TSPAN4: variants seen among roughly 807,000 people sequenced by gnomAD.
TSPAN4 encodes tetraspanin 4.
TSPAN4 carries 38 observed loss-of-function variants against 31.5 expected under a neutral mutation model. That is an observed-to-expected ratio of 1.21 (90% CI 0.93 to 1.58). The LOEUF is 1.58. TSPAN4 is among the 40% of genes most tolerant of loss of function. The probability of loss-of-function intolerance (pLI) is 0.00; values close to 1 mark genes in which losing one functional copy is unlikely to be tolerated. For missense variants in TSPAN4, 330 were observed against 317.3 expected, an observed-to-expected ratio of 1.04 and a Z score of -0.30; for synonymous variants, 186 against 144.6, an observed-to-expected ratio of 1.29 and a Z score of -2.06.
chr11:845,834 G>T (rs1485385481), intron 1 of TSPAN4, among the ~76,000 whole-genome samples: 1 of 152,122 alleles, frequency 6.6e-6, no homozygotes, highest in African/African-American at 2.4e-5. Flanking sequence ...GGCTGCTGGG[G>T]GTATCAGAGT....
intron 3 of TSPAN4, among the ~76,000 whole-genome samples, chr11:861,668 C>T (rs184628351): frequency 2.6e-5 from 4 of 151,436 alleles, no homozygotes; most frequent in Non-Finnish European, 4.4e-5. Flanking sequence ...GCCGAGATCG[C>T]GCCACTGCAC....
At chr11:846,849 T>TTGGCC (rs1847350129) in intron 1 of TSPAN4, among the ~76,000 whole-genome samples, 1 of 152,186 alleles carries the variant, frequency 6.6e-6, no homozygotes. Context: ...AGCATGTGTC[T>TTGGCC]TGGCCTGTGT....
intron 3 of TSPAN4, among the ~76,000 whole-genome samples, chr11:850,685 C>G (rs553300265): frequency 9.6e-4 from 147 of 152,352 alleles, no homozygotes; most frequent in African/African-American, 3.4e-3. Flanking sequence ...CAGGGCCACC[C>G]GGGCACTGCG....
chr11:860,132 A>G (rs1373229618), intron 3 of TSPAN4, among the ~76,000 whole-genome samples: 2 of 152,216 alleles, frequency 1.3e-5, no homozygotes, highest in Non-Finnish European at 2.9e-5. Flanking sequence ...TTGAACTTTA[A>G]GCGGAGATGC....
intron 3 of TSPAN4, chr11:862,298 C>CAAGGGAG (rs1227699228): frequency 3.7e-6 from 2 of 535,504 alleles, no homozygotes; most frequent in Non-Finnish European, 6.6e-6. Context: ...TTCAGAGGCA[C>CAAGGGAG]AAGGGAGCCT....
rs111323187 is a variant in TSPAN4, at chr11:852,298, A to G, written c.63+1931A>G. Reference sequence around the variant, plus strand: ...ATCACCACGCCTGTCTAATTTTTGTATTTTTAGTAGAGACAGGGTTTCACC... The same window carrying G: ...ATCACCACGCCTGTCTAATTTTTGTGTTTTTAGTAGAGACAGGGTTTCACC... On this transcript the variant is annotated intron_variant, in intron 3 of 8. Coordinates refer to ENST00000397397, the MANE Select transcript of TSPAN4 (RefSeq NM_003271.5). 1.1e-3 allele frequency among the ~76,000 whole-genome samples: 164 copies of G among 151,842 alleles called. 1 individual carries two copies. The highest frequency in any genetic ancestry group is 3.8e-3 in the African/African-American group (156 of 41,378).
At chr11:853,814 C>T (rs1847889181) in intron 3 of TSPAN4, among the ~76,000 whole-genome samples, 1 of 152,234 alleles carries the variant, frequency 6.6e-6, no homozygotes, top group African/African-American at 2.4e-5. Context: ...TTGAGCCCTC[C>T]CTGCAGAGGT....
chr11:844,147 AG>A (rs1434493511), intron 1 of TSPAN4: 1 of 152,458 alleles, frequency 6.6e-6, no homozygotes, highest in African/African-American at 2.4e-5. Context: ...GCCTGGGGTC[AG>A]AGCCAGGTTC....
At chr11:855,037 G>A (rs971418181) in intron 3 of TSPAN4, among the ~76,000 whole-genome samples, 1 of 152,196 alleles carries the variant, frequency 6.6e-6, no homozygotes, top group African/African-American at 2.4e-5. Context: ...AGCAGCGGTC[G>A]GTCGGGGGAC....
At position 848,797 on chromosome 11, in the gene TSPAN4, G is replaced by C. The variant is rs749114444; in HGVS notation, c.-17-1491G>C. On this transcript the variant is annotated intron_variant, in intron 2 of 8. Coordinates refer to ENST00000397397, the MANE Select transcript of TSPAN4 (RefSeq NM_003271.5). This position sits in a 1 kb window ranked among gnomAD's most constrained non-coding sequence, Gnocchi z 5.7. ...CGCAGGGCCCTTGTGCCCTGTGGTG[G>C]GGCTGGGGCTTCAGAGGCGTGGGGT... is the stretch of plus-strand genomic sequence containing the variant. 3.9e-4 allele frequency: 233 copies of C among 596,636 alleles called. 1 individual carries two copies. The highest frequency in any genetic ancestry group is 6.0e-4 in the Non-Finnish European group (195 of 327,288). 37.0% of individuals were successfully genotyped at this position (596,636 alleles called of 1,614,324 possible). A position where few individuals can be genotyped will look rare whatever the true frequency, so the allele number is the denominator to read the frequency against.
intron 2 of TSPAN4, among the ~76,000 whole-genome samples, chr11:847,865 A>AC (rs1237602059): frequency 2.0e-5 from 3 of 150,626 alleles, no homozygotes; most frequent in Non-Finnish European, 4.4e-5. Flanking sequence ...TTCCCCTTCC[A>AC]CCCCCAGCCA....
chr11:849,084 G>A (rs549146046), intron 2 of TSPAN4, among the ~76,000 whole-genome samples: 1 of 152,350 alleles, frequency 6.6e-6, no homozygotes, highest in South Asian at 2.1e-4. Context: ...AGCTGGGGTG[G>A]GTGCGCGCGA....
At chr11:849,635 G>A (rs1334925301) in intron 2 of TSPAN4, among the ~76,000 whole-genome samples, 1 of 151,998 alleles carries the variant, frequency 6.6e-6, no homozygotes, top group Non-Finnish European at 1.5e-5. Flanking sequence ...CGAAGGTGGG[G>A]GGGCTGGGGC....
chr11:864,871 T>C (rs935079545), intron 5 of TSPAN4: 8 of 324,550 alleles, frequency 2.5e-5, no homozygotes, highest in Non-Finnish European at 4.6e-5. Context: ...CACTCACTCA[T>C]ATATTCAGCC....
intron 3 of TSPAN4, among the ~76,000 whole-genome samples, chr11:856,686 C>T (rs957230105): frequency 3.3e-5 from 5 of 152,222 alleles, no homozygotes; most frequent in Admixed American, 3.3e-4. Flanking sequence ...GGTGCGCAGG[C>T]TGCCAGCCAC....
Position 866,982 on chromosome 11 carries a change from G to T in TSPAN4, c.*352G>T. 1 of 214,366 alleles carries T rather than the reference G, an allele frequency of 4.7e-6. No homozygotes were observed. The highest frequency in any genetic ancestry group is 9.3e-6 in the Non-Finnish European group (1 of 107,542). The allele number at this position is 214,366 out of a possible 1,614,324, so 13.3% of individuals were successfully genotyped here. A position where few individuals can be genotyped will look rare whatever the true frequency, so the allele number is the denominator to read the frequency against. ...TGGAAAACAGGTTGGCGCTGGAGGAGCCGGGTCTTGGCATCCTGGAGGTGG... is the reference window on the plus strand; with the variant it reads ...TGGAAAACAGGTTGGCGCTGGAGGATCCGGGTCTTGGCATCCTGGAGGTGG... On this transcript the variant is annotated 3_prime_UTR_variant, in exon 9 of 9. Transcript: ENST00000397397.
At chr11:865,349 G>A (rs1037554401) in intron 5 of TSPAN4, 164 bp from the exon 6 acceptor site, 2 of 619,876 alleles carry the variant, frequency 3.2e-6, no homozygotes, top group African/African-American at 1.8e-5. Flanking sequence ...CAGGGCTGCT[G>A]GGAGGACATG....
At chr11:860,383 G>A (rs796652402) in intron 3 of TSPAN4, among the ~76,000 whole-genome samples, 25 of 152,354 alleles carry the variant, frequency 1.6e-4, no homozygotes, top group African/African-American at 5.3e-4. Context: ...CCTCCTGCCT[G>A]CCAGCCAGCC....
At chr11:849,549 C>G (rs1847506896) in intron 2 of TSPAN4, among the ~76,000 whole-genome samples, 2 of 152,126 alleles carry the variant, frequency 1.3e-5, no homozygotes, top group African/African-American at 4.8e-5. Flanking sequence ...AAGAGCTGCC[C>G]AGGTTTCATC....
Sources: gnomAD v4.1 joint callset for allele counts (sites outside exome capture counted in the v4.1 genomes callset) on GRCh38, gnomAD v4.1.1 for gene constraint, Gnocchi (gnomAD v3.1) non-coding constraint, MANE v1.5 for transcripts, NCBI Gene and HGNC (gene_info 2026-07-23, HGNC 2026-07-21) for gene names.